CREB5: variants seen among roughly 807,000 people sequenced by gnomAD.
CREB5 encodes cAMP responsive element binding protein 5.
CREB5 carries 19 observed loss-of-function variants against 57.1 expected under a neutral mutation model. The observed-to-expected ratio is 0.33, with a 90% CI of 0.23 to 0.49. The LOEUF is 0.49. CREB5 is among the 20% of genes least tolerant of loss of function. CREB5 has a pLI of 0.99. For synonymous variants in CREB5, 238 were observed against 238.3 expected (o/e 1.00, Z 0.01); for missense variants, 579 against 671.6 (o/e 0.86, Z 1.52).
rs536596603 is a variant in CREB5, at chr7:28,677,820, G to C, written c.465-40933G>C. Among the ~76,000 whole-genome samples the C allele has an allele frequency of 3.9e-5, 6 of 152,224 alleles. 1 individual carries two copies. The East Asian group carries it at 1.2e-3, about 30-fold the overall frequency. On this transcript the variant is annotated intron_variant, in intron 5 of 10. Coordinates refer to ENST00000357727, the MANE Select transcript of CREB5 (RefSeq NM_182898.4). ...TTGAGCTCAGGAGTTTGAGGCTACAGAGAGCTATGATTGTGCCTGTGAACA... is the reference window on the plus strand; with the variant it reads ...TTGAGCTCAGGAGTTTGAGGCTACACAGAGCTATGATTGTGCCTGTGAACA...
chr7:28,536,149 A>G (rs1793959081), intron 4 of CREB5, among the ~76,000 whole-genome samples: 1 of 152,202 alleles, frequency 6.6e-6, no homozygotes, highest in South Asian at 2.1e-4. Flanking sequence ...AGAAACCAGC[A>G]AACAATGTTC....
chr7:28,308,922 T>C (rs1430707494), intron 1 of CREB5, among the ~76,000 whole-genome samples: 1 of 152,214 alleles, frequency 6.6e-6, no homozygotes, highest in Admixed American at 6.5e-5. Context: ...TTGGATGAGA[T>C]TAACATTTAA....
At chr7:28,661,712 G>A (rs1251543295) in intron 5 of CREB5, among the ~76,000 whole-genome samples, 2 of 152,068 alleles carry the variant, frequency 1.3e-5, no homozygotes, top group Non-Finnish European at 2.9e-5. Context: ...TGGTTTTTCA[G>A]GTTCATTCTG....
At chr7:28,691,776 G>A (rs1243255935) in intron 5 of CREB5, among the ~76,000 whole-genome samples, 3 of 152,114 alleles carry the variant, frequency 2.0e-5, no homozygotes, top group Non-Finnish European at 4.4e-5. Context: ...GGAAGGCCAG[G>A]TCAACATTAA....
chr7:28,622,257 T>TCA lies in CREB5; in HGVS notation c.464+51721_464+51722insAC, dbSNP rs879826524. Among the ~76,000 whole-genome samples the TCA allele has an allele frequency of 7.1e-3, 990 of 139,276 alleles. 6 individuals carry two copies. Among genetic ancestry groups the TCA allele is most frequent in the South Asian group, 0.026 (110 of 4,232 alleles). 91.4% of individuals were successfully genotyped at this position (139,276 alleles called of 152,430 possible). ...TATACACACATTCTCTCTCTCTCTC[T>TCA]CTCACACACACACACACACACACAC... On this transcript the variant is annotated intron_variant, in intron 5 of 10. Transcript: ENST00000357727.
At chr7:28,560,175 A>G (rs1795022479) in intron 4 of CREB5, among the ~76,000 whole-genome samples, 1 of 152,226 alleles carries the variant, frequency 6.6e-6, no homozygotes, top group African/African-American at 2.4e-5. Context: ...TGATTGATCA[A>G]TCAACAGATT....
At chr7:28,751,465 T>C (rs1804970197) in intron 7 of CREB5, among the ~76,000 whole-genome samples, 1 of 152,242 alleles carries the variant, frequency 6.6e-6, no homozygotes. Flanking sequence ...CTAGTGGTTT[T>C]CCACTCAGTC....
At position 28,570,179 on chromosome 7, in the gene CREB5, G is replaced by C. The variant is rs1305322301; in HGVS notation, c.292-186G>C. ...CTCACATGCTTTACTCTAAGGGTGA[G>C]TAGTTATTTTTCATCTCCTCGTAGC... On this transcript the variant is annotated intron_variant, in intron 4 of 10. Coordinates refer to ENST00000357727, the MANE Select transcript of CREB5 (RefSeq NM_182898.4). Among the ~76,000 whole-genome samples the C allele has an allele frequency of 6.6e-5, 10 of 152,188 alleles. No homozygotes were observed. In the East Asian group the frequency reaches 1.9e-3, roughly 29 times the overall value.
chr7:28,626,188 C>T (rs569230180), intron 5 of CREB5, among the ~76,000 whole-genome samples: 12 of 152,138 alleles, frequency 7.9e-5, no homozygotes, highest in Non-Finnish European at 1.2e-4. Flanking sequence ...TTTATTTCTA[C>T]CTTAAAAGAT....
chr7:28,327,085 G>T (rs114408794), intron 1 of CREB5, among the ~76,000 whole-genome samples: 1,669 of 146,058 alleles, frequency 0.011, 28 homozygotes, highest in African/African-American at 0.041. Context: ...GGAGGCAGAG[G>T]TTACAGTGAG....
intron 7 of CREB5, among the ~76,000 whole-genome samples, chr7:28,784,636 T>C (rs1490896113): frequency 6.6e-6 from 1 of 152,010 alleles, no homozygotes; most frequent in Non-Finnish European, 1.5e-5. Context: ...TTCGCGCCAG[T>C]GTGTGGGAAA....
At chr7:28,716,773 T>C (rs950188806) in intron 5 of CREB5, among the ~76,000 whole-genome samples, 3 of 152,230 alleles carry the variant, frequency 2.0e-5, no homozygotes, top group Non-Finnish European at 2.9e-5. Flanking sequence ...TGAAGGAGAC[T>C]TTAAGACCTA....
intron 1 of CREB5, among the ~76,000 whole-genome samples, chr7:28,377,242 T>C (rs1786851250): frequency 6.6e-6 from 1 of 152,206 alleles, no homozygotes; most frequent in Non-Finnish European, 1.5e-5. Flanking sequence ...TGTGGCTGTA[T>C]TGAGTACTTG....
intron 1 of CREB5, among the ~76,000 whole-genome samples, chr7:28,328,154 T>C (rs760805474): frequency 9.9e-5 from 15 of 152,198 alleles, no homozygotes; most frequent in Non-Finnish European, 1.8e-4. Context: ...TCAAGTGAAC[T>C]CAGAAGAATG....
intron 5 of CREB5, among the ~76,000 whole-genome samples, chr7:28,609,432 T>A (rs1298147083): frequency 1.3e-5 from 2 of 152,312 alleles, no homozygotes; most frequent in South Asian, 2.1e-4. Flanking sequence ...TAATATTTGT[T>A]AAGTGAATGT....
At chr7:28,504,498 G>C (rs997248304) in intron 3 of CREB5, among the ~76,000 whole-genome samples, 1 of 152,194 alleles carries the variant, frequency 6.6e-6, no homozygotes, top group Admixed American at 6.5e-5. Context: ...AAGCCAAGAC[G>C]ATTGTTTCAG....
chr7:28,736,674 G>C (rs1803996628), intron 7 of CREB5, among the ~76,000 whole-genome samples: 1 of 152,126 alleles, frequency 6.6e-6, no homozygotes, highest in Non-Finnish European at 1.5e-5. Flanking sequence ...TAGAGGACTA[G>C]CTGACCCTTC....
At chr7:28,501,379 A>G (rs551092818) in intron 3 of CREB5, among the ~76,000 whole-genome samples, 1 of 152,374 alleles carries the variant, frequency 6.6e-6, no homozygotes, top group East Asian at 1.9e-4. Context: ...TGACAAATAG[A>G]ATGTAAGTGT....
At chr7:28,643,242 A>G (rs1474745882) in intron 5 of CREB5, among the ~76,000 whole-genome samples, 1 of 152,160 alleles carries the variant, frequency 6.6e-6, no homozygotes, top group Non-Finnish European at 1.5e-5. Flanking sequence ...TGCCCCTGGA[A>G]CCAGCCTTCC....
Sources: gnomAD v4.1 joint callset for allele counts (sites outside exome capture counted in the v4.1 genomes callset) on GRCh38, gnomAD v4.1.1 for gene constraint, MANE v1.5 for transcripts, NCBI Gene and HGNC (gene_info 2026-07-23, HGNC 2026-07-21) for gene names.